Variants in NUSAP1 observed in about 807,000 individuals in gnomAD.
NUSAP1 encodes the protein nucleolar and spindle-associated protein 1.
In NUSAP1, 32 loss-of-function variants were observed where a neutral mutation model predicts 52.8. The observed-to-expected ratio is 0.61, with a 90% CI of 0.46 to 0.81. The LOEUF is 0.81. Ranked by LOEUF, NUSAP1 falls within the 40% of genes least tolerant of loss-of-function variation. The probability of loss-of-function intolerance (pLI) is 0.00; values close to 1 mark genes in which losing one functional copy is unlikely to be tolerated. For synonymous variants in NUSAP1, 195 were observed against 183.1 expected, an observed-to-expected ratio of 1.06 and a Z score of -0.52; for missense variants, 499 against 522.3, an observed-to-expected ratio of 0.96 and a Z score of 0.43.
intron 1 of NUSAP1, among the ~76,000 whole-genome samples, chr15:41,338,663 G>A (rs990828895): frequency 6.6e-6 from 1 of 152,092 alleles, no homozygotes; most frequent in East Asian, 1.9e-4. Context: ...AAAAAAGAGA[G>A]AGAGACCAGG....
intron 10 of NUSAP1, among the ~76,000 whole-genome samples, chr15:41,379,829 G>A (rs1398143785): frequency 1.3e-5 from 2 of 152,180 alleles, no homozygotes; most frequent in Non-Finnish European, 2.9e-5. Context: ...TTTCAGGCAT[G>A]AGCCATCGCG....
chr15:41,335,892 C>T (rs1595517947), intron 1 of NUSAP1, among the ~76,000 whole-genome samples: 1 of 148,930 alleles, frequency 6.7e-6, no homozygotes, highest in East Asian at 1.9e-4. Flanking sequence ...TATATTTGTA[C>T]TAGTAAAATT....
chr15:41,354,233 G>T (rs909910598), intron 4 of NUSAP1, among the ~76,000 whole-genome samples: 4 of 152,136 alleles, frequency 2.6e-5, no homozygotes, highest in Non-Finnish European at 5.9e-5. Flanking sequence ...CAGGCCAGGC[G>T]CAGTGGCTTA....
rs71431808 is a variant in NUSAP1, at chr15:41,346,828, AAAATAAATAAATAAATAAATAAATAAAT to A, written c.163-2244_163-2217del. ...GGCAACAGAGCCAGACCCCGTCTCA[AAAATAAATAAATAAATAAATAAATAAAT>A]AAATAAATAAATAAATAAATAAATA... On this transcript the variant is annotated intron_variant, in intron 2 of 10. Coordinates refer to ENST00000559596, the MANE Select transcript of NUSAP1 (RefSeq NM_016359.5). 5.7e-4 allele frequency among the ~76,000 whole-genome samples: 74 copies of A among 130,324 alleles called. 1 individual carries two copies. The South Asian group carries it at 0.018, about 32-fold the overall frequency. The allele number at this position is 130,324 out of a possible 152,430, so 85.5% of individuals were successfully genotyped here.
At chr15:41,357,085 A>C (rs1409987630) in intron 5 of NUSAP1, among the ~76,000 whole-genome samples, 1 of 152,084 alleles carries the variant, frequency 6.6e-6, no homozygotes, top group Admixed American at 6.6e-5. Flanking sequence ...AACAAGAAGA[A>C]TGGCCGGGTG....
chr15:41,378,843 G>A (rs948179751), intron 10 of NUSAP1, among the ~76,000 whole-genome samples: 1 of 140,626 alleles, frequency 7.1e-6, no homozygotes, highest in Non-Finnish European at 1.5e-5. Context: ...AATAGAACTA[G>A]AACCAGGATC....
chr15:41,352,740 A>G (rs2048821929), intron 4 of NUSAP1, among the ~76,000 whole-genome samples: 1 of 151,950 alleles, frequency 6.6e-6, no homozygotes, highest in Admixed American at 6.6e-5. Context: ...TATTTTTAGT[A>G]GAGACAGGGT....
At position 41,351,098 on chromosome 15, in the gene NUSAP1, G is replaced by T. The variant is rs769126935; in HGVS notation, c.417G>T (p.Glu139Asp). The T allele has an allele frequency of 1.5e-4, 250 of 1,613,026 alleles. 1 individual carries two copies. Among genetic ancestry groups the T allele is most frequent in the Non-Finnish European group, 2.0e-4 (241 of 1,179,686 alleles). ...CAAAAGTTCCTTCTCCACCAGACGA[G>T]CACCAAGAAGCTGAGAATGCTGTTT... The part of the protein sequence containing the change: ...ATAKVPSPPD[E>D]HQEAENAVSS... The change falls in exon 4 of 11, where the codon GAG (glutamate) becomes GAT (aspartate). Residue 139 changes from glutamate to aspartate, a missense_variant. Coordinates refer to ENST00000559596, the MANE Select transcript of NUSAP1 (RefSeq NM_016359.5).
chr15:41,376,020 C>T (rs1275594193), intron 9 of NUSAP1, among the ~76,000 whole-genome samples, 192 bp downstream of exon 9: 2 of 151,212 alleles, frequency 1.3e-5, no homozygotes, highest in East Asian at 1.9e-4. Flanking sequence ...GAGCCGAGAC[C>T]GTGCCACTGC....
At chr15:41,374,749 T>C (rs897717266) in intron 8 of NUSAP1, among the ~76,000 whole-genome samples, 8 of 152,018 alleles carry the variant, frequency 5.3e-5, no homozygotes, top group African/African-American at 1.9e-4. Flanking sequence ...ATGGTCTCGC[T>C]CTCTTGACCT....
intron 1 of NUSAP1, among the ~76,000 whole-genome samples, chr15:41,336,081 A>G (rs1226201356): frequency 6.6e-6 from 1 of 150,888 alleles, no homozygotes; most frequent in East Asian, 1.9e-4. Context: ...CCAGCATGGC[A>G]AAACCCCATC....
At chr15:41,377,122 C>T in intron 9 of NUSAP1, 74 bp from the exon 10 acceptor site, 2 of 764,220 alleles carry the variant, frequency 2.6e-6, no homozygotes, top group Non-Finnish European at 4.3e-6. Context: ...GGTAACCCCA[C>T]AGATGAAGAG....
At chr15:41,347,836 A>T (rs1048034933) in intron 2 of NUSAP1, among the ~76,000 whole-genome samples, 1 of 151,986 alleles carries the variant, frequency 6.6e-6, no homozygotes, top group African/African-American at 2.4e-5. Flanking sequence ...AAAAGAAAGA[A>T]AACGGACTGG....
intron 6 of NUSAP1, 33 bp from the exon 7 acceptor site, chr15:41,365,369 C>G: frequency 6.4e-7 from 1 of 1,558,498 alleles, no homozygotes; most frequent in Non-Finnish European, 8.7e-7. Flanking sequence ...GTTGGAGAGG[C>G]CAAGCTTTTA....
chr15:41,346,500 G>T (rs1431544747), intron 2 of NUSAP1, among the ~76,000 whole-genome samples: 1 of 151,644 alleles, frequency 6.6e-6, no homozygotes, highest in South Asian at 2.1e-4. Context: ...TAGAGACTGG[G>T]GTCTCATTAT....
chr15:41,349,287 T>C (rs1282574124), intron 3 of NUSAP1, 46 bp downstream of exon 3: 1 of 1,565,722 alleles, frequency 6.4e-7, no homozygotes, highest in South Asian at 1.1e-5. Context: ...TATGCCAAAA[T>C]TGGCATACTT....
chr15:41,341,704 T>C (rs2048373267), intron 1 of NUSAP1, among the ~76,000 whole-genome samples: 1 of 152,238 alleles, frequency 6.6e-6, no homozygotes, highest in African/African-American at 2.4e-5. Context: ...ACAGCATTTC[T>C]GGCTCATCCC....
Position 41,350,977 on chromosome 15 carries a change from T to C in NUSAP1, c.307-11T>C. ...TCATCGAAATCTTTTATTTCCTTTT[T>C]AAATTTGTAGCAGAATCATTCAGAG... On this transcript the variant is annotated splice_polypyrimidine_tract_variant and intron_variant, in intron 3 of 10. Transcript: ENST00000559596. 1 of 1,594,708 alleles carries C rather than the reference T, an allele frequency of 6.3e-7. No individual in the cohort carries two copies.
At chr15:41,336,655 T>TGTTTTTTTTTGTTGTTTG (rs748827154) in intron 1 of NUSAP1, among the ~76,000 whole-genome samples, 2 of 141,190 alleles carry the variant, frequency 1.4e-5, no homozygotes, top group African/African-American at 5.3e-5. Context: ...TTGGTTTTTT[T>TGTTTTTTTTTGTTGTTTG]TTTTTTTTTT....
Sources: allele counts gnomAD v4.1 joint callset (sites outside exome capture counted in the v4.1 genomes callset), GRCh38; gene constraint gnomAD v4.1.1; transcripts MANE v1.5; gene names NCBI Gene and HGNC (gene_info 2026-07-23, HGNC 2026-07-21).